Variants in ATG2B observed in about 807,000 individuals in gnomAD.
ATG2B encodes the protein autophagy related 2B.
A neutral mutation model predicts 241.3 loss-of-function variants in ATG2B; 121 were observed. That is an observed-to-expected ratio of 0.50 (90% confidence interval 0.43 to 0.58). The LOEUF is 0.58. Among genes scored for constraint, ATG2B ranks in the 20% least tolerant of loss-of-function variants. The pLI is 0.00. For synonymous variants in ATG2B, 858 were observed against 876.6 expected, an observed-to-expected ratio of 0.98 and a Z score of 0.37; for missense variants, 2,306 against 2,491.6, an observed-to-expected ratio of 0.93 and a Z score of 1.59.
intron 18 of ATG2B, among the ~76,000 whole-genome samples, chr14:96,319,051 C>A (rs1287842057): frequency 6.6e-6 from 1 of 152,206 alleles, no homozygotes; most frequent in East Asian, 1.9e-4. Context: ...CCAGACTCAT[C>A]GTAAAGCCTG....
rs1228047144 is a variant in ATG2B, at chr14:96,283,675, G to A, written c.*2080C>T. 1 of 152,202 alleles carries A rather than the reference G, an allele frequency of 6.6e-6. No homozygotes were observed. The highest frequency in any genetic ancestry group is 1.5e-5 in the Non-Finnish European group (1 of 68,040). 9.4% of individuals were successfully genotyped at this position (152,202 alleles called of 1,614,324 possible). A position where few individuals can be genotyped will look rare whatever the true frequency, so the allele number is the denominator to read the frequency against. ...CTGTGTCATCACAACACCAAAGTCT[G>A]AAAAGACACTTGTAAAAAAGAAAAA... On this transcript the variant is annotated 3_prime_UTR_variant, in exon 42 of 42. Coordinates refer to ENST00000359933, the MANE Select transcript of ATG2B (RefSeq NM_018036.7).
At chr14:96,300,626 C>A (rs1428107692) in intron 34 of ATG2B, among the ~76,000 whole-genome samples, 2 of 152,206 alleles carry the variant, frequency 1.3e-5, no homozygotes, top group Non-Finnish European at 2.9e-5. Context: ...CGCCACAGAT[C>A]AATTTTCCCA....
At chr14:96,321,502 T>C (rs1358120095) in intron 18 of ATG2B, among the ~76,000 whole-genome samples, 1 of 152,104 alleles carries the variant, frequency 6.6e-6, no homozygotes, top group African/African-American at 2.4e-5. Context: ...ACAACCCTTA[T>C]AGGTGGGAGC....
rs1053355208 is a variant in ATG2B, at chr14:96,324,013, T to C, written c.2438-15A>G. 6.6e-7 allele frequency: 1 copy of C among 1,515,002 alleles called. No individual in the cohort carries two copies. Among genetic ancestry groups the C allele is most frequent in the African/African-American group, 1.4e-5 (1 of 71,126 alleles). The allele number at this position is 1,515,002 out of a possible 1,614,324, so 93.8% of individuals were successfully genotyped here. A position where few individuals can be genotyped will look rare whatever the true frequency, so the allele number is the denominator to read the frequency against. On this transcript the variant is annotated splice_polypyrimidine_tract_variant and intron_variant, in intron 15 of 41. Transcript: ENST00000359933. ...CTGGAACGATCCTAAAAAAAAAGACTGATTTACTGAAATGTGCTTCTTCTC... is the reference window on the plus strand; with the variant it reads ...CTGGAACGATCCTAAAAAAAAAGACCGATTTACTGAAATGTGCTTCTTCTC...
chr14:96,334,001 A>G lies in ATG2B; in HGVS notation c.1022-128T>C, dbSNP rs1157285064. The stretch of plus-strand genomic sequence containing the variant: ...CCACAGTGCAAAACCACTGCTATTT[A>G]GTGAGTCAGAGCTCTAAGCAACAGC... On this transcript the variant is annotated intron_variant, in intron 7 of 41. Transcript: ENST00000359933. 5 of 752,618 alleles carry G rather than the reference A, an allele frequency of 6.6e-6. No homozygotes were observed. The African/African-American group carries it at 8.8e-5, about 13-fold the overall frequency. The allele number at this position is 752,618 out of a possible 1,614,324, so 46.6% of individuals were successfully genotyped here. A position where few individuals can be genotyped will look rare whatever the true frequency, so the allele number is the denominator to read the frequency against.
chr14:96,342,510 T>C (rs1888065107), intron 5 of ATG2B, among the ~76,000 whole-genome samples: 1 of 151,928 alleles, frequency 6.6e-6, no homozygotes, highest in Non-Finnish European at 1.5e-5. Context: ...TCGCCTGAGG[T>C]CAGGAGTTCG....
In ATG2B at chr14:96,333,820, G is replaced by T; in HGVS notation, c.1075C>A (p.Gln359Lys). The change falls in exon 8 of 42, where the codon CAG (glutamine) becomes AAG (lysine). Residue 359 changes from glutamine (Q) to lysine (K), a missense_variant. Gln to Lys is a moderately conservative substitution (Grantham distance 53). This residue lies in a region of ATG2B where 1,927 missense variants were observed against 2,011.2 expected (regional missense o/e 0.96). Coordinates refer to ENST00000359933, the MANE Select transcript of ATG2B (RefSeq NM_018036.7). Reference sequence around the variant, plus strand: ...TGAATTCGATACTCGTCTTCCTGCTGCATGGGTCGATTTTTCCTATCTTTA... The same window carrying T: ...TGAATTCGATACTCGTCTTCCTGCTTCATGGGTCGATTTTTCCTATCTTTA... ...ANKDRKNRPM[Q>K]QEDEYRIQME... 1 of 1,613,818 alleles carries T rather than the reference G, an allele frequency of 6.2e-7. No individual in the cohort carries two copies. Among genetic ancestry groups the T allele is most frequent in the Non-Finnish European group, 8.5e-7 (1 of 1,179,858 alleles).
intron 38 of ATG2B, 147 bp downstream of exon 38, chr14:96,291,453 C>A: frequency 2.0e-6 from 1 of 503,288 alleles, no homozygotes; most frequent in East Asian, 3.0e-5. Flanking sequence ...AAATCAGTGC[C>A]TAAATCTTAA....
At chr14:96,298,253 A>C (rs1886700564) in intron 34 of ATG2B, among the ~76,000 whole-genome samples, 1 of 152,204 alleles carries the variant, frequency 6.6e-6, no homozygotes, top group African/African-American at 2.4e-5. Context: ...ATCCCAGCTA[A>C]AATTTTAAGA....
chr14:96,331,147 A>G (rs1887720053), intron 11 of ATG2B, among the ~76,000 whole-genome samples: 1 of 152,240 alleles, frequency 6.6e-6, no homozygotes, highest in Non-Finnish European at 1.5e-5. Flanking sequence ...GAAAACTCCT[A>G]TTATCTAGAT....
chr14:96,353,693 A>C (rs1360091612), intron 1 of ATG2B, among the ~76,000 whole-genome samples: 1 of 151,410 alleles, frequency 6.6e-6, no homozygotes, highest in Admixed American at 6.6e-5. Flanking sequence ...TTACACTAGA[A>C]AATATTTGCT....
In ATG2B at chr14:96,331,599, G is replaced by A. The variant is rs1887735493; in HGVS notation, c.1507C>T (p.Pro503Ser). The A allele has an allele frequency of 1.9e-6, 3 of 1,613,404 alleles. No individual in the cohort carries two copies. Among genetic ancestry groups the A allele is most frequent in the Non-Finnish European group, 2.5e-6 (3 of 1,179,744 alleles). Residue 503 changes from proline to serine, a missense_variant, in exon 11 of 42, where the codon CCT becomes TCT. Coordinates refer to ENST00000359933, the MANE Select transcript of ATG2B (RefSeq NM_018036.7). ...SRSVSVDESR[P>S]ELIFRLAVGT... ...ACAGCTAGTCTAAAAATAAGTTCAG[G>A]CCTTGATTCATCCACTGAAACAGAT...
chr14:96,329,655 TTTAAGA>T, intron 11 of ATG2B, 21 bp from the exon 12 acceptor site: 1 of 1,510,450 alleles, frequency 6.6e-7, no homozygotes, highest in Non-Finnish European at 9.1e-7. Flanking sequence ...AAATGCACCA[TTTAAGA>T]TTATTAGTGT....
At chr14:96,317,651 T>C in intron 19 of ATG2B, 47 bp downstream of exon 19, 4 of 1,443,966 alleles carry the variant, frequency 2.8e-6, no homozygotes, top group South Asian at 2.7e-5. Flanking sequence ...ACTTTGTTAA[T>C]TGATAAACTA....
At chr14:96,315,938 C>T (rs1887298391) in intron 21 of ATG2B, among the ~76,000 whole-genome samples, 1 of 152,122 alleles carries the variant, frequency 6.6e-6, no homozygotes, top group South Asian at 2.1e-4. Flanking sequence ...GAATAAAGAA[C>T]ATATAGTCCC....
Position 96,285,728 on chromosome 14 carries a change from T to C in ATG2B, c.*27A>G. Reference sequence around the variant, plus strand: ...TCTGAGCTCCTGGTTCCACTCTCCTTATCTTCACACTGTCAGTTCCAAGCC... The same window carrying C: ...TCTGAGCTCCTGGTTCCACTCTCCTCATCTTCACACTGTCAGTTCCAAGCC... On this transcript the variant is annotated 3_prime_UTR_variant, in exon 42 of 42. Transcript: ENST00000359933. This position sits in a 1 kb window ranked among gnomAD's most constrained non-coding sequence, Gnocchi z 4.2. 2 of 1,607,658 alleles carry C rather than the reference T, an allele frequency of 1.2e-6. No individual in the cohort carries two copies. The highest frequency in any genetic ancestry group is 1.7e-6 in the Non-Finnish European group (2 of 1,175,280).
At position 96,283,927 on chromosome 14, in the gene ATG2B, ATTTG is replaced by A. The variant is rs1228539804; in HGVS notation, c.*1824_*1827del. ...TGTTTAAATGAGATTTGTAAACTTA[ATTTG>A]TTTGCAACTCCGGGTGCAAAGAAGA... On this transcript the variant is annotated 3_prime_UTR_variant, in exon 42 of 42. Transcript: ENST00000359933. The A allele has an allele frequency of 6.6e-6, 1 of 152,206 alleles. No homozygotes were observed. Among genetic ancestry groups the A allele is most frequent in the Non-Finnish European group, 1.5e-5 (1 of 68,030 alleles). The allele number at this position is 152,206 out of a possible 1,614,324, so 9.4% of individuals were successfully genotyped here. A position where few individuals can be genotyped will look rare whatever the true frequency, so the allele number is the denominator to read the frequency against.
chr14:96,314,597 T>G (rs994447299), intron 23 of ATG2B, among the ~76,000 whole-genome samples: 2 of 71,682 alleles, frequency 2.8e-5, no homozygotes, highest in African/African-American at 6.8e-5. Flanking sequence ...ACATATAAGA[T>G]AACTCTGTCA....
chr14:96,317,366 C>A, intron 19 of ATG2B, 49 bp from the exon 20 acceptor site: 1 of 1,476,978 alleles, frequency 6.8e-7, no homozygotes, highest in South Asian at 1.3e-5. Context: ...ATTAAAACAG[C>A]AACATAAAAA....
Sources: allele counts gnomAD v4.1 joint callset (sites outside exome capture counted in the v4.1 genomes callset), GRCh38; gene constraint gnomAD v4.1.1; regional missense constraint gnomAD v4.1.1; non-coding constraint Gnocchi (gnomAD v3.1); transcripts MANE v1.5; gene names NCBI Gene and HGNC (gene_info 2026-07-23, HGNC 2026-07-21).